ELP2: variants seen among roughly 807,000 people sequenced by gnomAD.
ELP2 encodes the protein elongator complex protein 2.
ELP2 carries 90 observed loss-of-function variants against 119.2 expected under a neutral mutation model. The observed-to-expected ratio is 0.75, with a 90% CI of 0.64 to 0.90. ELP2 has a LOEUF of 0.90. ELP2 is among the 40% of genes least tolerant of loss of function. ELP2 has a pLI of 0.00. For missense variants in ELP2, 921 were observed against 967.8 expected (o/e 0.95, Z 0.64); for synonymous variants, 339 against 331.0 (o/e 1.02, Z -0.26).
chr18:36,130,140 C>G, intron 1 of ELP2, 69 bp downstream of exon 1: 2 of 1,602,596 alleles, frequency 1.2e-6, no homozygotes, highest in Non-Finnish European at 1.7e-6. Context: ...GCTCCGGGCG[C>G]GCTGTTAGTT....
rs2090028353 is a variant in ELP2, at chr18:36,141,505, A to G, written c.588+304A>G. ...GATTTAAACGAGATATAACATACCT[A>G]CAGTGAAGCATTCCTAGTAGTGTTT... On this transcript the variant is annotated intron_variant, in intron 6 of 21. Transcript: ENST00000358232. 3 of 374,046 alleles carry G rather than the reference A, an allele frequency of 8.0e-6. No individual in the cohort carries two copies. In the East Asian group the frequency reaches 1.8e-4, roughly 23 times the overall value. The allele number at this position is 374,046 out of a possible 1,614,324, so 23.2% of individuals were successfully genotyped here.
chr18:36,167,751 G>A lies in ELP2; in HGVS notation c.2076+529G>A, dbSNP rs72888749. Among the ~76,000 whole-genome samples, 1,410 of 148,478 alleles carry A rather than the reference G, an allele frequency of 9.5e-3. 19 individuals are homozygous for A. Among genetic ancestry groups the A allele is most frequent in the Non-Finnish European group, 0.015 (998 of 67,582 alleles). On this transcript the variant is annotated intron_variant, in intron 19 of 21. Coordinates refer to ENST00000358232, the MANE Select transcript of ELP2 (RefSeq NM_018255.4). ...TGCAGTGGTACAGTCACGGCTCACT[G>A]CAGCCTGGACCTCCTGGGCCCAAGC...
chr18:36,136,300 T>A lies in ELP2; in HGVS notation c.218-7T>A. ...AAAGATATTTACTGAGATATAATTT[T>A]TTTCAGCCCCTTCTACTGAATTAGT... On this transcript the variant is annotated splice_polypyrimidine_tract_variant and splice_region_variant and intron_variant, in intron 2 of 21. Coordinates refer to ENST00000358232, the MANE Select transcript of ELP2 (RefSeq NM_018255.4). The A allele has an allele frequency of 1.2e-6, 2 of 1,605,938 alleles. No homozygotes were observed. Among genetic ancestry groups the A allele is most frequent in the Non-Finnish European group, 1.7e-6 (2 of 1,172,588 alleles).
intron 6 of ELP2, 100 bp downstream of exon 6, chr18:36,141,301 C>A (rs2090019057): frequency 2.0e-6 from 2 of 1,018,510 alleles, no homozygotes; most frequent in Non-Finnish European, 3.1e-6. Context: ...ATGTTCTAAT[C>A]TAAACCAAAA....
chr18:36,156,679 C>G, intron 13 of ELP2, 25 bp downstream of exon 13: 1 of 1,600,180 alleles, frequency 6.2e-7, no homozygotes, highest in Non-Finnish European at 8.6e-7. Context: ...AAATATTTTA[C>G]CTAAATCTAG....
chr18:36,145,249 C>T (rs2090161386), intron 9 of ELP2: 2 of 521,026 alleles, frequency 3.8e-6, no homozygotes. Flanking sequence ...TAATTCCTGC[C>T]ATGATGCTGA....
Position 36,154,882 on chromosome 18 carries a change from A to G in ELP2, c.1158A>G (p.Gly386=). 1 of 1,614,118 alleles carries G rather than the reference A, an allele frequency of 6.2e-7. No individual in the cohort carries two copies. ...GGACTCCAGAGATTGTCATTTCAGG[A>G]CACTTTGATGGTGTCCAAGACCTAG... The part of the protein sequence containing the change: ...REWTPEIVIS[G]HFDGVQDLVW... The change falls in exon 12 of 22, where the codon GGA becomes GGG. Residue 386 remains glycine, a synonymous_variant. Coordinates refer to ENST00000358232, the MANE Select transcript of ELP2 (RefSeq NM_018255.4).
intron 17 of ELP2, among the ~76,000 whole-genome samples, chr18:36,161,286 A>G (rs1040090722): frequency 6.6e-6 from 1 of 152,180 alleles, no homozygotes; most frequent in Non-Finnish European, 1.5e-5. Context: ...CCGGCTACTC[A>G]GGAGGCTGAG....
chr18:36,157,982 T>C (rs1339725861), intron 13 of ELP2, among the ~76,000 whole-genome samples: 2 of 152,228 alleles, frequency 1.3e-5, no homozygotes, highest in African/African-American at 2.4e-5. Flanking sequence ...ACAGGGATCC[T>C]GTAGAGTAGC....
chr18:36,139,365 T>C, intron 5 of ELP2: 1 of 1,468,096 alleles, frequency 6.8e-7, no homozygotes, highest in South Asian at 1.2e-5. Context: ...TCTTTGAGTA[T>C]CTTCTACAAA....
chr18:36,150,903 A>G (rs1475499227), intron 11 of ELP2, among the ~76,000 whole-genome samples: 12 of 151,948 alleles, frequency 7.9e-5, no homozygotes, highest in African/African-American at 2.2e-4. Context: ...TTAGATTTTT[A>G]TGTTCTGTTT....
chr18:36,138,519 T>C, intron 4 of ELP2, 93 bp downstream of exon 4: 1 of 1,354,174 alleles, frequency 7.4e-7, no homozygotes, highest in Non-Finnish European at 1.0e-6. Flanking sequence ...CTTTACAACT[T>C]TGGAGCAACT....
chr18:36,138,067 A>T (rs73946773), intron 3 of ELP2: 1 of 560,980 alleles, frequency 1.8e-6, no homozygotes, highest in African/African-American at 1.9e-5. Context: ...CTCAGAGTAG[A>T]TTCCTAGATA....
chr18:36,138,353 T>G lies in ELP2; in HGVS notation c.372T>G (p.Pro124=). 6.2e-7 allele frequency: 1 copy of G among 1,614,156 alleles called. No individual in the cohort carries two copies. The highest frequency in any genetic ancestry group is 8.5e-7 in the Non-Finnish European group (1 of 1,179,972). ...TTTACCAGAGGAGGACATCAGATCC[T>G]GCATTATGTACACTGATCGTTTCTG... is the stretch of plus-strand genomic sequence containing the variant. The part of the protein sequence containing the change: ...HAVYQRRTSD[P]ALCTLIVSAA... Residue 124 remains proline, a synonymous_variant, in exon 4 of 22, where the codon CCT becomes CCG. Coordinates refer to ENST00000358232, the MANE Select transcript of ELP2 (RefSeq NM_018255.4).
intron 11 of ELP2, among the ~76,000 whole-genome samples, chr18:36,150,209 T>G: frequency 6.6e-6 from 1 of 152,276 alleles, no homozygotes; most frequent in South Asian, 2.1e-4. Context: ...GAGCAGTTCT[T>G]TCTGGCATTA....
rs2090018137 is a variant in ELP2, at chr18:36,141,278, A to C, written c.588+77A>C. The C allele has an allele frequency of 5.6e-6, 7 of 1,243,848 alleles. No individual in the cohort carries two copies. In the South Asian group the frequency reaches 8.5e-5, roughly 15 times the overall value. The allele number at this position is 1,243,848 out of a possible 1,614,324, so 77.1% of individuals were successfully genotyped here. On this transcript the variant is annotated intron_variant, in intron 6 of 21. Coordinates refer to ENST00000358232, the MANE Select transcript of ELP2 (RefSeq NM_018255.4). ...TCAATACAGACTATATCCAGATTAT[A>C]GAATTTTAGGGAATGTTCTAATCTA...
At chr18:36,149,609 A>C (rs2090334018) in intron 11 of ELP2, among the ~76,000 whole-genome samples, 1 of 147,416 alleles carries the variant, frequency 6.8e-6, no homozygotes, top group Non-Finnish European at 1.5e-5. Flanking sequence ...AATTTTTTTG[A>C]GGCGATTTGG....
At chr18:36,145,553 A>G (rs979153939) in intron 9 of ELP2, among the ~76,000 whole-genome samples, 4 of 152,352 alleles carry the variant, frequency 2.6e-5, no homozygotes, top group East Asian at 1.9e-4. Context: ...CCCCAAGGCA[A>G]TAACAGTAAT....
chr18:36,155,515 A>C (rs780860565), intron 12 of ELP2, among the ~76,000 whole-genome samples: 1 of 152,148 alleles, frequency 6.6e-6, no homozygotes, highest in Non-Finnish European at 1.5e-5. Context: ...ACTTTCATAC[A>C]TTGCTATTGG....
Sources: allele counts gnomAD v4.1 joint callset (sites outside exome capture counted in the v4.1 genomes callset), GRCh38; gene constraint gnomAD v4.1.1; transcripts MANE v1.5; gene names NCBI Gene and HGNC (gene_info 2026-07-23, HGNC 2026-07-21).